Variants in PHKA2 observed in about 807,000 individuals in gnomAD.
PHKA2 encodes the protein phosphorylase kinase regulatory subunit alpha 2, also known as phosphorylase b kinase regulatory subunit alpha, liver isoform.
In PHKA2, 31 loss-of-function variants were observed where a neutral mutation model predicts 102.0. That is an observed-to-expected ratio of 0.30 (90% CI 0.23 to 0.41). The LOEUF (loss-of-function observed/expected upper bound fraction) is 0.41, where lower values mean the gene tolerates loss of function less well. Ranked by LOEUF, PHKA2 falls within the 10% of genes least tolerant of loss-of-function variation. The pLI, the probability that PHKA2 is intolerant of heterozygous loss-of-function variation, is 1.00. For missense variants in PHKA2, 858 were observed against 1,023.1 expected (o/e 0.84, Z 2.20); for synonymous variants, 455 against 416.2 (o/e 1.09, Z -1.13).
intron 5 of PHKA2, among the ~76,000 whole-genome samples, chrX:18,947,145 C>T (rs778289768): frequency 1.2e-4 from 14 of 112,057 alleles, no homozygotes; most frequent in South Asian, 3.7e-4. Flanking sequence ...CATTTATTTA[C>T]GTGTTGTCTA....
chrX:18,920,314 T>C, intron 17 of PHKA2, 113 bp from the exon 18 acceptor site: 1 of 535,072 alleles, frequency 1.9e-6, no homozygotes, highest in Non-Finnish European at 3.4e-6. Flanking sequence ...AATCAATACA[T>C]ATATCACTCT....
chrX:18,955,362 T>G (rs2147997784), intron 1 of PHKA2, among the ~76,000 whole-genome samples: 1 of 103,485 alleles, frequency 9.7e-6, no homozygotes, highest in African/African-American at 3.8e-5. Context: ...TGGAAGTCAG[T>G]GGCTGCTAGT....
intron 1 of PHKA2, among the ~76,000 whole-genome samples, chrX:18,979,787 A>T: frequency 9.0e-6 from 1 of 110,857 alleles, no homozygotes; most frequent in South Asian, 3.6e-4. Context: ...TAATAATTTA[A>T]TTTAATAATT....
chrX:18,981,034 A>G (rs1414197886), intron 1 of PHKA2, among the ~76,000 whole-genome samples: 6 of 111,900 alleles, frequency 5.4e-5, no homozygotes, highest in African/African-American at 1.9e-4. Context: ...GAGATACAAC[A>G]TACACTTTAG....
intron 26 of PHKA2, among the ~76,000 whole-genome samples, chrX:18,903,235 G>A (rs1308425327): frequency 8.9e-6 from 1 of 112,514 alleles, no homozygotes; most frequent in Non-Finnish European, 1.9e-5. Flanking sequence ...CATGTTTCAT[G>A]ACCGCATGGA....
chrX:18,930,071 A>AT (rs1352275199), intron 12 of PHKA2, among the ~76,000 whole-genome samples: 3 of 112,251 alleles, frequency 2.7e-5, no homozygotes, highest in African/African-American at 9.7e-5. Flanking sequence ...AGCTGTCCAT[A>AT]TTTTGTTGAA....
chrX:18,924,553 G>A, intron 15 of PHKA2, 28 bp from the exon 16 acceptor site: 3 of 1,201,593 alleles, frequency 2.5e-6, no homozygotes, highest in East Asian at 3.0e-5. Flanking sequence ...CTGGGTAAAC[G>A]GCCACCCTTT....
chrX:18,977,996 AC>A (rs1487994196), intron 1 of PHKA2, among the ~76,000 whole-genome samples: 2 of 111,683 alleles, frequency 1.8e-5, no homozygotes, highest in Non-Finnish European at 3.8e-5. Flanking sequence ...ACCCGTCTCT[AC>A]TAAAAATACA....
Position 18,925,729 on chromosome X carries a change from C to T in PHKA2, c.1508G>A (p.Gly503Asp). 8.3e-7 allele frequency: 1 copy of T among 1,200,190 alleles called. No homozygotes were observed. The highest frequency in any genetic ancestry group is 1.1e-6 in the Non-Finnish European group (1 of 885,062). Residue 503 changes from glycine to aspartate, a missense_variant, in exon 15 of 33, where the codon GGT (glycine) becomes GAT (aspartate). Transcript: ENST00000379942. ...NLSGRPYRHIGVLGTSKLYVI... is the reference protein window; with the variant it reads ...NLSGRPYRHIDVLGTSKLYVI... ...ATATAGTTTAGAGGTTCCAAGGACA[C>T]CAATATGTCGATACGGTCGCCCACT...
chrX:18,922,171 G>T (rs1017138835), intron 17 of PHKA2, among the ~76,000 whole-genome samples: 1 of 111,591 alleles, frequency 9.0e-6, no homozygotes, highest in East Asian at 2.8e-4. Flanking sequence ...GCTTGAACCT[G>T]GGGGGTGGAG....
At chrX:18,924,633 G>A in intron 15 of PHKA2, 108 bp from the exon 16 acceptor site, 2 of 755,835 alleles carry the variant, frequency 2.6e-6, no homozygotes. Flanking sequence ...CAGGCAAGAG[G>A]CTCAGTACTC....
intron 5 of PHKA2, among the ~76,000 whole-genome samples, chrX:18,946,952 A>G (rs2048589829): frequency 9.2e-6 from 1 of 109,154 alleles, no homozygotes; most frequent in Non-Finnish European, 1.9e-5. Context: ...ACGAACACCT[A>G]CTGACCAGGT....
intron 26 of PHKA2, among the ~76,000 whole-genome samples, chrX:18,904,330 T>C (rs2147846596): frequency 1.8e-5 from 2 of 112,321 alleles, no homozygotes; most frequent in African/African-American, 6.5e-5. Flanking sequence ...TCTAAGCCTA[T>C]TTGGGCTTCC....
At chrX:18,949,898 C>T (rs1457722420) in intron 4 of PHKA2, among the ~76,000 whole-genome samples, 1 of 112,544 alleles carries the variant, frequency 8.9e-6, no homozygotes, top group East Asian at 2.8e-4. Flanking sequence ...ATACTGCTTA[C>T]TGATTTCTGG....
chrX:18,897,615 A>G (rs1170196371), intron 29 of PHKA2: 4 of 362,589 alleles, frequency 1.1e-5, no homozygotes, highest in East Asian at 4.8e-5. Flanking sequence ...GAACAGGGCG[A>G]GCACGGGCTT....
chrX:18,919,370 C>T (rs1197418241), intron 18 of PHKA2, among the ~76,000 whole-genome samples: 1 of 111,716 alleles, frequency 9.0e-6, no homozygotes, highest in East Asian at 2.8e-4. Context: ...AAAATTCAAG[C>T]AGTATGTTTC....
At chrX:18,979,273 C>T (rs1273106150) in intron 1 of PHKA2, among the ~76,000 whole-genome samples, 1 of 112,159 alleles carries the variant, frequency 8.9e-6, no homozygotes, top group African/African-American at 3.2e-5. Flanking sequence ...ATTATTGTTA[C>T]TATTTGTTCC....
chrX:18,903,195 C>G (rs1460973951), intron 26 of PHKA2, among the ~76,000 whole-genome samples: 2 of 112,604 alleles, frequency 1.8e-5, no homozygotes, highest in African/African-American at 6.5e-5. Context: ...TCGTGAATGT[C>G]TCTCCCTGGC....
chrX:18,933,101 G>A (rs2048341684), intron 11 of PHKA2, among the ~76,000 whole-genome samples: 1 of 107,392 alleles, frequency 9.3e-6, no homozygotes, highest in Non-Finnish European at 1.9e-5. Flanking sequence ...GTGACAGAGT[G>A]AGACTCTGTC....
Sources: gnomAD v4.1 joint callset for allele counts (sites outside exome capture counted in the v4.1 genomes callset) on GRCh38, gnomAD v4.1.1 for gene constraint, MANE v1.5 for transcripts, NCBI Gene and HGNC (gene_info 2026-07-23, HGNC 2026-07-21) for gene names.